Variants in PRAP1 observed in about 807,000 individuals in gnomAD.
The protein encoded by PRAP1 is proline rich acidic protein 1.
A neutral mutation model predicts 14.6 loss-of-function variants in PRAP1; 12 were observed. The observed-to-expected ratio is 0.82, with a 90% CI of 0.53 to 1.33. The LOEUF (loss-of-function observed/expected upper bound fraction) is 1.33. Among genes scored for constraint, PRAP1 ranks in the 40% most tolerant of loss-of-function variants. PRAP1 has a pLI of 0.00. For synonymous variants in PRAP1, 81 were observed against 80.3 expected (o/e 1.01, Z -0.04); for missense variants, 160 against 193.7 (o/e 0.83, Z 1.03).
chr10:133,350,175 C>A lies in PRAP1; in HGVS notation c.75+14C>A. On this transcript the variant is annotated intron_variant, in intron 2 of 4. Transcript: ENST00000433452. ...CCAGCACCCAAGGTAGGTGTGAGCC[C>A]CTCCCATCTGGGCAGCAACTCCAGT... 1 of 1,611,096 alleles carries A rather than the reference C, an allele frequency of 6.2e-7. No homozygotes were observed. Among genetic ancestry groups the A allele is most frequent in the Non-Finnish European group, 8.5e-7 (1 of 1,178,376 alleles).
rs750146031 is a variant in PRAP1 at position 133,352,361 on chromosome 10, C to T, written c.377C>T (p.Pro126Leu). The change falls in exon 5 of 5, where the codon CCC (proline) becomes CTC (leucine). Residue 126 changes from proline to leucine, a missense_variant. Transcript: ENST00000433452. Reference protein sequence around the residue: ...PPEEDQGEERPRLWVMPNHQV... With the variant: ...PPEEDQGEERLRLWVMPNHQV... ...GAGGAGGACCAGGGCGAGGAGAGGC[C>T]CCGGTTGTGGGTGATGCCAAATCAC... 1.9e-6 allele frequency: 3 copies of T among 1,613,056 alleles called. No homozygotes were observed. Among genetic ancestry groups the T allele is most frequent in the Non-Finnish European group, 1.7e-6 (2 of 1,179,984 alleles).
In PRAP1 at chr10:133,347,447, C is replaced by T. The variant is rs1300103694; in HGVS notation, c.8+22C>T. The T allele has an allele frequency of 1.2e-6, 2 of 1,604,176 alleles. No individual in the cohort carries two copies. The highest frequency in any genetic ancestry group is 1.7e-6 in the Non-Finnish European group (2 of 1,174,564). ...GGAGGTAATGCCACCATCCCTGAGC[C>T]CCAATCCCCACCCCACCCAAACCTG... On this transcript the variant is annotated intron_variant, in intron 1 of 4. Transcript: ENST00000433452. This position sits in a 1 kb window ranked among gnomAD's most constrained non-coding sequence, Gnocchi z 5.0.
rs752272818 is a variant in PRAP1, at chr10:133,347,992, C to G, written c.8+567C>G. ...AGCCAGGGCCCTCCCTGCCCCTCCT[C>G]TCCTGGTGTTTCTCCCTTGTAGAGA... On this transcript the variant is annotated intron_variant, in intron 1 of 4. Coordinates refer to ENST00000433452, the MANE Select transcript of PRAP1 (RefSeq NM_145202.5). This position sits in a 1 kb window ranked among gnomAD's most constrained non-coding sequence, Gnocchi z 5.0. Among the ~76,000 whole-genome samples the G allele has an allele frequency of 6.6e-6, 1 of 152,198 alleles. No individual in the cohort carries two copies. The highest frequency in any genetic ancestry group is 2.4e-5 in the African/African-American group (1 of 41,452).
At position 133,351,325 on chromosome 10, in the gene PRAP1, G is replaced by A; in HGVS notation, c.76-56G>A. The A allele has an allele frequency of 1.4e-6, 2 of 1,474,964 alleles. No individual in the cohort carries two copies. Among genetic ancestry groups the A allele is most frequent in the East Asian group, 2.3e-5 (1 of 42,626 alleles). The allele number at this position is 1,474,964 out of a possible 1,614,324, so 91.4% of individuals were successfully genotyped here. On this transcript the variant is annotated intron_variant, in intron 2 of 4. Coordinates refer to ENST00000433452, the MANE Select transcript of PRAP1 (RefSeq NM_145202.5). This position sits in a 1 kb window ranked among gnomAD's most constrained non-coding sequence, Gnocchi z 4.3. Reference sequence around the variant, plus strand: ...TGGGCCTCGGAGCAACCTCTCCCCAGGTGTCCTCCACCCGCGTGGACTGTG... The same window carrying A: ...TGGGCCTCGGAGCAACCTCTCCCCAAGTGTCCTCCACCCGCGTGGACTGTG...
Position 133,347,787 on chromosome 10 carries a change from T to C in PRAP1, c.8+362T>C, listed in dbSNP as rs1456962848. The stretch of plus-strand genomic sequence containing the variant: ...GGGGCGCAGGAGCCAGGGGCTGCCC[T>C]GAGGTGGTGTCACCCTGGGAGCTGT... On this transcript the variant is annotated intron_variant, in intron 1 of 4. Transcript: ENST00000433452. This position sits in a 1 kb window ranked among gnomAD's most constrained non-coding sequence, Gnocchi z 5.0. Among the ~76,000 whole-genome samples the C allele has an allele frequency of 2.6e-5, 4 of 152,132 alleles. No homozygotes were observed. The highest frequency in any genetic ancestry group is 5.9e-5 in the Non-Finnish European group (4 of 68,000).
chr10:133,352,036 C>A lies in PRAP1; in HGVS notation c.158C>A (p.Pro53Gln). ...TGGGGCGCCCGTGTGGTGGAGCCTCCGGAGAAGGACGACCAGCTGGTGGTG... is the reference window on the plus strand; with the variant it reads ...TGGGGCGCCCGTGTGGTGGAGCCTCAGGAGAAGGACGACCAGCTGGTGGTG... ...KAWGARVVEP[P>Q]EKDDQLVVLF... is the part of the protein sequence containing the mutation. The change falls in exon 4 of 5, where the codon CCG becomes CAG. Residue 53 changes from proline to glutamine, a missense_variant. Physicochemically the swap from Pro to Gln is moderately conservative, Grantham distance 76 (BLOSUM62 -1). Coordinates refer to ENST00000433452, the MANE Select transcript of PRAP1 (RefSeq NM_145202.5). 6.2e-7 allele frequency: 1 copy of A among 1,612,880 alleles called. No individual in the cohort carries two copies. The highest frequency in any genetic ancestry group is 8.5e-7 in the Non-Finnish European group (1 of 1,179,966).
chr10:133,352,305 C>T lies in PRAP1; in HGVS notation c.321C>T (p.Pro107=), dbSNP rs141653330. The T allele has an allele frequency of 8.7e-6, 14 of 1,612,994 alleles. No individual in the cohort carries two copies. Among genetic ancestry groups the T allele is most frequent in the Admixed American group, 3.3e-5 (2 of 59,988 alleles). ...TGGGCCATGTCCTGAGTCCCGAGCC[C>T]GACCATGACAGCCTGTACCACCCTC... ...DTLGHVLSPE[P]DHDSLYHPPP... The change falls in exon 5 of 5, where the codon CCC becomes CCT. Residue 107 remains proline, a synonymous_variant. Coordinates refer to ENST00000433452, the MANE Select transcript of PRAP1 (RefSeq NM_145202.5).
In PRAP1 at chr10:133,351,411, C is replaced by T. The variant is rs1848676294; in HGVS notation, c.106C>T (p.Pro36Ser). ...VPIKMQVKHW[P>S]SEQDPEKAWG... is the part of the protein sequence containing the mutation. The stretch of plus-strand genomic sequence containing the variant: ...TATCAAGATGCAAGTCAAACACTGG[C>T]CCTCAGAGCAGGACCCAGAGAAGTA... The change falls in exon 3 of 5, where the codon CCC becomes TCC. Residue 36 changes from proline to serine, a missense_variant. Transcript: ENST00000433452. The surrounding 1 kb of genome is among the most constrained non-coding windows in gnomAD (Gnocchi z 4.3). 6.2e-7 allele frequency: 1 copy of T among 1,611,446 alleles called. No individual in the cohort carries two copies. Among genetic ancestry groups the T allele is most frequent in the Non-Finnish European group, 8.5e-7 (1 of 1,178,856 alleles).
chr10:133,350,075 C>T lies in PRAP1; in HGVS notation c.9-20C>T. ...GTCCCCTTCCCCTACCTCACACTTC[C>T]CTCTCTGGCCCCCCCTCAGGCTCCT... On this transcript the variant is annotated intron_variant, in intron 1 of 4. Transcript: ENST00000433452. 6.3e-7 allele frequency: 1 copy of T among 1,598,696 alleles called. No homozygotes were observed. Among genetic ancestry groups the T allele is most frequent in the Non-Finnish European group, 8.5e-7 (1 of 1,172,608 alleles).
Position 133,347,458 on chromosome 10 carries a change from C to G in PRAP1, c.8+33C>G. ...CACCATCCCTGAGCCCCAATCCCCA[C>G]CCCACCCAAACCTGGAGGCCTGGCC... On this transcript the variant is annotated intron_variant, in intron 1 of 4. Coordinates refer to ENST00000433452, the MANE Select transcript of PRAP1 (RefSeq NM_145202.5). This position sits in a 1 kb window ranked among gnomAD's most constrained non-coding sequence, Gnocchi z 5.0. The G allele has an allele frequency of 1.3e-6, 2 of 1,597,118 alleles. No homozygotes were observed. Among genetic ancestry groups the G allele is most frequent in the Non-Finnish European group, 1.7e-6 (2 of 1,170,826 alleles).
Position 133,352,035 on chromosome 10 carries a change from C to T in PRAP1, c.157C>T (p.Pro53Ser), listed in dbSNP as rs145387630. 3,390 of 1,612,912 alleles carry T rather than the reference C, an allele frequency of 2.1e-3. 45 individuals carry two copies. The highest frequency in any genetic ancestry group is 9.6e-4 in the Non-Finnish European group (1,132 of 1,179,970). Residue 53 changes from proline to serine, a missense_variant, in exon 4 of 5, where the codon CCG (proline) becomes TCG (serine). Physicochemically the swap from Pro to Ser is moderately conservative, Grantham distance 74 (BLOSUM62 -1). Coordinates refer to ENST00000433452, the MANE Select transcript of PRAP1 (RefSeq NM_145202.5). Reference protein sequence around the residue: ...KAWGARVVEPPEKDDQLVVLF... With the variant: ...KAWGARVVEPSEKDDQLVVLF... ...CTGGGGCGCCCGTGTGGTGGAGCCT[C>T]CGGAGAAGGACGACCAGCTGGTGGT...
rs571306661 is a variant in PRAP1, at chr10:133,351,341, G to T, written c.76-40G>T. ...CTCTCCCCAGGTGTCCTCCACCCGC[G>T]TGGACTGTGGCCCAGCCCACACCTG... On this transcript the variant is annotated intron_variant, in intron 2 of 4. Coordinates refer to ENST00000433452, the MANE Select transcript of PRAP1 (RefSeq NM_145202.5). This position sits in a 1 kb window ranked among gnomAD's most constrained non-coding sequence, Gnocchi z 4.3. 1 of 1,576,350 alleles carries T rather than the reference G, an allele frequency of 6.3e-7. No individual in the cohort carries two copies. Among genetic ancestry groups the T allele is most frequent in the East Asian group, 2.3e-5 (1 of 44,070 alleles).
chr10:133,349,924 C>T (rs1848650912), intron 1 of PRAP1, among the ~76,000 whole-genome samples, 171 bp from the exon 2 acceptor site: 1 of 152,196 alleles, frequency 6.6e-6, no homozygotes, highest in African/African-American at 2.4e-5. Flanking sequence ...TGGGGCTTCT[C>T]CCTGTTCTGT....
In PRAP1 at chr10:133,351,359, C is replaced by T; in HGVS notation, c.76-22C>T. 1 of 1,607,958 alleles carries T rather than the reference C, an allele frequency of 6.2e-7. No individual in the cohort carries two copies. The highest frequency in any genetic ancestry group is 8.5e-7 in the Non-Finnish European group (1 of 1,176,760). On this transcript the variant is annotated intron_variant, in intron 2 of 4. Transcript: ENST00000433452. This position sits in a 1 kb window ranked among gnomAD's most constrained non-coding sequence, Gnocchi z 4.3. ...CACCCGCGTGGACTGTGGCCCAGCCCACACCTGTGACTCTCCCCCAGGTCC... is the reference window on the plus strand; with the variant it reads ...CACCCGCGTGGACTGTGGCCCAGCCTACACCTGTGACTCTCCCCCAGGTCC...
rs1848668810 is a variant in PRAP1, at chr10:133,351,012, G to A, written c.76-369G>A. Among the ~76,000 whole-genome samples, 1 of 152,186 alleles carries A rather than the reference G, an allele frequency of 6.6e-6. No individual in the cohort carries two copies. ...TCGGCACCAGCCAGGAAGGGGTGGTGCAGACACAGACCCAACCAGTCACTG... is the reference window on the plus strand; with the variant it reads ...TCGGCACCAGCCAGGAAGGGGTGGTACAGACACAGACCCAACCAGTCACTG... On this transcript the variant is annotated intron_variant, in intron 2 of 4. Transcript: ENST00000433452. The surrounding 1 kb of genome is among the most constrained non-coding windows in gnomAD (Gnocchi z 4.3).
Position 133,352,085 on chromosome 10 carries a change from ACT to A in PRAP1, c.210_211del (p.Leu71AspfsTer39). On this transcript the variant is annotated frameshift_variant, in exon 4 of 5. Transcript: ENST00000433452. LOFTEE classifies it high-confidence loss of function. ...TGCTGTTCCCTGTCCAGAAGCCGAA[ACT>A]CTTGACCACCGAGGAGAAGCCACGA... ...VVLFPVQKPK[L>X]LTTEEKPRGQ... 1 of 1,612,296 alleles carries A rather than the reference ACT, an allele frequency of 6.2e-7. No individual in the cohort carries two copies. Among genetic ancestry groups the A allele is most frequent in the Non-Finnish European group, 8.5e-7 (1 of 1,179,760 alleles).
Position 133,347,550 on chromosome 10 carries a change from G to A in PRAP1, c.8+125G>A. 3.2e-6 allele frequency: 3 copies of A among 930,620 alleles called. No individual in the cohort carries two copies. Among genetic ancestry groups the A allele is most frequent in the Non-Finnish European group, 4.8e-6 (3 of 630,300 alleles). The allele number at this position is 930,620 out of a possible 1,614,324, so 57.6% of individuals were successfully genotyped here. ...CTGGTTCAGGGGAGTGTGCGGGTGG[G>A]AGGGAGAAGGAGGGGCCCTCTGAGG... On this transcript the variant is annotated intron_variant, in intron 1 of 4. Transcript: ENST00000433452. The surrounding 1 kb of genome is among the most constrained non-coding windows in gnomAD (Gnocchi z 5.0).
chr10:133,352,673 A>C lies in PRAP1; in HGVS notation c.*233A>C. 1 of 443,634 alleles carries C rather than the reference A, an allele frequency of 2.3e-6. No individual in the cohort carries two copies. Among genetic ancestry groups the C allele is most frequent in the Non-Finnish European group, 4.1e-6 (1 of 245,900 alleles). The allele number at this position is 443,634 out of a possible 1,614,324, so 27.5% of individuals were successfully genotyped here. ...ACCCCGTCTCTACTAAAAATACAAA[A>C]ATTAGCCGGGTATGGTGCCGGGTGC... On this transcript the variant is annotated 3_prime_UTR_variant, in exon 5 of 5. Coordinates refer to ENST00000433452, the MANE Select transcript of PRAP1 (RefSeq NM_145202.5).
At position 133,351,023 on chromosome 10, in the gene PRAP1, C is replaced by A. The variant is rs1848669089; in HGVS notation, c.76-358C>A. Among the ~76,000 whole-genome samples, 1 of 152,214 alleles carries A rather than the reference C, an allele frequency of 6.6e-6. No homozygotes were observed. The highest frequency in any genetic ancestry group is 1.5e-5 in the Non-Finnish European group (1 of 68,038). ...CAGGAAGGGGTGGTGCAGACACAGA[C>A]CCAACCAGTCACTGCAGAAAACAGC... is the stretch of plus-strand genomic sequence containing the variant. On this transcript the variant is annotated intron_variant, in intron 2 of 4. Transcript: ENST00000433452. The surrounding 1 kb of genome is among the most constrained non-coding windows in gnomAD (Gnocchi z 4.3).
Sources: gnomAD v4.1 joint callset for allele counts (sites outside exome capture counted in the v4.1 genomes callset) on GRCh38, gnomAD v4.1.1 for gene constraint, Gnocchi (gnomAD v3.1) non-coding constraint, MANE v1.5 for transcripts, NCBI Gene and HGNC (gene_info 2026-07-23, HGNC 2026-07-21) for gene names.